DHX33: variants seen among roughly 807,000 people sequenced by gnomAD.
The protein encoded by DHX33 is DEAH-box helicase 33.
A neutral mutation model predicts 72.5 loss-of-function variants in DHX33; 42 were observed. The ratio of observed to expected loss-of-function variants is 0.58; its 90% CI spans 0.45 to 0.75. The LOEUF is 0.75. Among genes scored for constraint, DHX33 ranks in the 30% least tolerant of loss-of-function variants. The probability of loss-of-function intolerance (pLI) is 0.00; values close to 1 mark genes in which losing one functional copy is unlikely to be tolerated. For missense variants in DHX33, 842 were observed against 917.5 expected, an observed-to-expected ratio of 0.92 and a Z score of 1.06; for synonymous variants, 358 against 366.1, an observed-to-expected ratio of 0.98 and a Z score of 0.25.
In DHX33 at chr17:5,450,914, C is replaced by T. The variant is rs141378767; in HGVS notation, c.1417G>A (p.Ala473Thr). 51 of 1,614,042 alleles carry T rather than the reference C, an allele frequency of 3.2e-5. No individual in the cohort carries two copies. The African/African-American group carries it at 6.4e-4, about 20-fold the overall frequency. The change falls in exon 9 of 12, where the codon GCC (alanine) becomes ACC (threonine). Residue 473 changes from alanine to threonine, a missense_variant. By Grantham distance (58) the Ala-to-Thr change is moderately conservative. Transcript: ENST00000225296. ...AGAGCACCTAACAGGTCCAGTTGGG[C>T]AATGGCCGCCTGAATGTGATCTAAA... ...PSPDHIQAAI[A>T]QLDLLGALEH...
In DHX33 at chr17:5,463,719, C is replaced by T. The variant is rs749555579; in HGVS notation, c.290-30G>A. The T allele has an allele frequency of 9.0e-6, 14 of 1,554,566 alleles. 1 individual carries two copies. The South Asian group carries it at 1.7e-4, about 18-fold the overall frequency. On this transcript the variant is annotated intron_variant, in intron 1 of 11. Transcript: ENST00000225296. ...GAGAGAGGGGGAAAAAAAAAAAAGG[C>T]TCACTGAAATGCAAACTGGGGCTCG... is the stretch of plus-strand genomic sequence containing the variant.
chr17:5,456,644 C>G (rs1279858086), intron 4 of DHX33, among the ~76,000 whole-genome samples: 1 of 152,074 alleles, frequency 6.6e-6, no homozygotes, highest in Non-Finnish European at 1.5e-5. Context: ...GTTTATAGGC[C>G]AAGTGATGAA....
intron 7 of DHX33, 56 bp from the exon 8 acceptor site, chr17:5,453,724 A>T: frequency 6.2e-7 from 1 of 1,612,188 alleles, no homozygotes; most frequent in Admixed American, 1.7e-5. Flanking sequence ...TTGAGTCAGA[A>T]CCCCTCATGG....
At chr17:5,451,331 T>G (rs1476081907) in intron 8 of DHX33, among the ~76,000 whole-genome samples, 1 of 152,154 alleles carries the variant, frequency 6.6e-6, no homozygotes, top group Non-Finnish European at 1.5e-5. Context: ...TCTCAAACTC[T>G]TGACCTCAGG....
chr17:5,463,438 A>T, intron 2 of DHX33, 91 bp downstream of exon 2: 1 of 1,334,526 alleles, frequency 7.5e-7, no homozygotes. Flanking sequence ...ACTATGTAAA[A>T]GGAGTCTTGT....
At chr17:5,447,698 A>G (rs1288388942) in intron 11 of DHX33, among the ~76,000 whole-genome samples, 1 of 152,208 alleles carries the variant, frequency 6.6e-6, no homozygotes, top group Admixed American at 6.5e-5. Context: ...AAATTCCCCC[A>G]TCTAGAAATT....
At position 5,460,742 on chromosome 17, in the gene DHX33, G is replaced by A. The variant is rs544485316; in HGVS notation, c.849+197C>T. Among the ~76,000 whole-genome samples, 32 of 151,200 alleles carry A rather than the reference G, an allele frequency of 2.1e-4. No individual in the cohort carries two copies. The South Asian group carries it at 6.5e-3, about 31-fold the overall frequency. On this transcript the variant is annotated intron_variant, in intron 4 of 11. Transcript: ENST00000225296. ...GGCTGGTCTTGAACTCCTGACCTCAGGTGATCCACCTGCCTCGGCCTCCCA... is the reference window on the plus strand; with the variant it reads ...GGCTGGTCTTGAACTCCTGACCTCAAGTGATCCACCTGCCTCGGCCTCCCA...
At position 5,468,698 on chromosome 17, in the gene DHX33, G is replaced by C. The variant is rs747244324; in HGVS notation, c.162C>G (p.Pro54=). Residue 54 remains proline, a synonymous_variant, in exon 1 of 12, where the codon CCC becomes CCG. Transcript: ENST00000225296. Reference sequence around the variant, plus strand: ...AGGGACTGGCCGAGGGCTGGGCCAGGGGCGGCTGCTGCCTCCGGCCTCCTC... The same window carrying C: ...AGGGACTGGCCGAGGGCTGGGCCAGCGGCGGCTGCTGCCTCCGGCCTCCTC... ...GGGGGRRQQP[P]LAQPSASPYP... 1 of 1,611,436 alleles carries C rather than the reference G, an allele frequency of 6.2e-7. No individual in the cohort carries two copies. The highest frequency in any genetic ancestry group is 1.7e-5 in the Admixed American group (1 of 59,946).
In DHX33 at chr17:5,448,859, T is replaced by C; in HGVS notation, c.1765A>G (p.Met589Val). 6.2e-7 allele frequency: 1 copy of C among 1,613,530 alleles called. No individual in the cohort carries two copies. Among genetic ancestry groups the C allele is most frequent in the Non-Finnish European group, 8.5e-7 (1 of 1,179,776 alleles). Residue 589 changes from methionine (M) to valine (V), a missense_variant, in exon 11 of 12, where the codon ATG becomes GTG. Coordinates refer to ENST00000225296, the MANE Select transcript of DHX33 (RefSeq NM_020162.4). ...CKENFVNSKNMTLVAEVRAQL... is the reference protein window; with the variant it reads ...CKENFVNSKNVTLVAEVRAQL... ...GCTCTGACTTCTGCTACCAGCGTCA[T>C]ATTCTTGCTGTTGACAAAATTCTCT...
chr17:5,451,671 C>G (rs754766181), intron 8 of DHX33, among the ~76,000 whole-genome samples: 3 of 152,050 alleles, frequency 2.0e-5, no homozygotes, highest in Non-Finnish European at 4.4e-5. Flanking sequence ...AAACTTTGAA[C>G]CATGTAAATA....
chr17:5,454,002 T>C, intron 6 of DHX33, 22 bp from the exon 7 acceptor site: 1 of 1,610,198 alleles, frequency 6.2e-7, no homozygotes, highest in Non-Finnish European at 8.5e-7. Flanking sequence ...GTGAGCCCCA[T>C]TAGTGCTTCA....
At position 5,444,763 on chromosome 17, in the gene DHX33, T is replaced by C. The variant is rs565541829; in HGVS notation, c.1816-250A>G. On this transcript the variant is annotated intron_variant, in intron 11 of 11. Transcript: ENST00000225296. The surrounding 1 kb of genome is among the most constrained non-coding windows in gnomAD (Gnocchi z 4.9). Reference sequence around the variant, plus strand: ...TGTGAAGGTAGGGCTGGGAGGGAGGTGCTCACATTAGCCACCAGACCACAG... The same window carrying C: ...TGTGAAGGTAGGGCTGGGAGGGAGGCGCTCACATTAGCCACCAGACCACAG... Among the ~76,000 whole-genome samples the C allele has an allele frequency of 6.6e-6, 1 of 151,574 alleles. No homozygotes were observed. The highest frequency in any genetic ancestry group is 1.9e-4 in the East Asian group (1 of 5,158).
Position 5,453,907 on chromosome 17 carries a change from G to T in DHX33, c.1221C>A (p.Gly407=). The T allele has an allele frequency of 6.2e-7, 1 of 1,613,948 alleles. No individual in the cohort carries two copies. ...GGTAGCAGATGCCACTGTCCTCTCT[G>T]CCAGCCCTCCCTGTGCGCTGCCAAG... The part of the protein sequence containing the change: ...TQAWQRTGRA[G]REDSGICYRL... Residue 407 remains glycine (G), a synonymous_variant, in exon 7 of 12, where the codon GGC becomes GGA. Transcript: ENST00000225296.
intron 1 of DHX33, among the ~76,000 whole-genome samples, chr17:5,468,242 C>T (rs1029044195): frequency 6.6e-6 from 1 of 152,346 alleles, no homozygotes; most frequent in South Asian, 2.1e-4. Flanking sequence ...AATGCCCTCC[C>T]TCCCACACGA....
chr17:5,452,957 G>C (rs944726746), intron 8 of DHX33, among the ~76,000 whole-genome samples: 3 of 152,126 alleles, frequency 2.0e-5, no homozygotes, highest in Non-Finnish European at 4.4e-5. Flanking sequence ...GCAATAAAAA[G>C]AAAAGGAAAA....
In DHX33 at chr17:5,468,792, G is replaced by A. The variant is rs1357168471; in HGVS notation, c.68C>T (p.Ala23Val). Residue 23 changes from alanine to valine, a missense_variant, in exon 1 of 12, where the codon GCT becomes GTT. Ala to Val is a moderately conservative substitution (Grantham distance 64). Coordinates refer to ENST00000225296, the MANE Select transcript of DHX33 (RefSeq NM_020162.4). Reference protein sequence around the residue: ...FRPGSGPPSRAGSFPPGRQVV... With the variant: ...FRPGSGPPSRVGSFPPGRQVV... ...TTGCCTCCCGGGAGGGAAGGACCCA[G>A]CGCGGCTCGGAGGTCCAGAGCCTGG... 1.2e-6 allele frequency: 2 copies of A among 1,602,420 alleles called. No individual in the cohort carries two copies. The highest frequency in any genetic ancestry group is 3.4e-5 in the Admixed American group (2 of 58,600).
intron 3 of DHX33, among the ~76,000 whole-genome samples, chr17:5,461,844 G>A (rs921505257): frequency 3.5e-5 from 5 of 144,244 alleles, no homozygotes; most frequent in South Asian, 4.7e-4. Flanking sequence ...CCACCGTGCC[G>A]GGCCAATTAT....
chr17:5,458,263 A>C (rs1904418986), intron 4 of DHX33, among the ~76,000 whole-genome samples: 1 of 152,098 alleles, frequency 6.6e-6, no homozygotes, highest in Non-Finnish European at 1.5e-5. Flanking sequence ...CTCTGAAAAG[A>C]CAGACTGTGC....
chr17:5,444,568 G>A lies in DHX33; in HGVS notation c.1816-55C>T. On this transcript the variant is annotated intron_variant, in intron 11 of 11. Coordinates refer to ENST00000225296, the MANE Select transcript of DHX33 (RefSeq NM_020162.4). The surrounding 1 kb of genome is among the most constrained non-coding windows in gnomAD (Gnocchi z 4.9). ...CGACCCCACACGTAAACACTGGTCA[G>A]CACTACACAGCGTGTTGGGGCAACT... 1 of 1,552,080 alleles carries A rather than the reference G, an allele frequency of 6.4e-7. No homozygotes were observed. The highest frequency in any genetic ancestry group is 8.7e-7 in the Non-Finnish European group (1 of 1,145,012).
Sources: gnomAD v4.1 joint callset for allele counts (sites outside exome capture counted in the v4.1 genomes callset) on GRCh38, gnomAD v4.1.1 for gene constraint, Gnocchi (gnomAD v3.1) non-coding constraint, MANE v1.5 for transcripts, NCBI Gene and HGNC (gene_info 2026-07-23, HGNC 2026-07-21) for gene names.